The following INTS8 variants were observed in gnomAD, a reference collection of about 807,000 sequenced individuals.
The protein encoded by INTS8 is protein kaonashi-1.
A neutral mutation model predicts 138.9 loss-of-function variants in INTS8; 47 were observed. The observed-to-expected ratio is 0.34, with a 90% CI of 0.27 to 0.43. The LOEUF (loss-of-function observed/expected upper bound fraction) is 0.43, where lower values mean the gene tolerates loss of function less well. Ranked by LOEUF, INTS8 falls within the 20% of genes least tolerant of loss-of-function variation. The pLI is 1.00. For missense variants in INTS8, 996 were observed against 1,173.0 expected, an observed-to-expected ratio of 0.85 and a Z score of 2.20; for synonymous variants, 392 against 400.9, an observed-to-expected ratio of 0.98 and a Z score of 0.27.
intron 20 of INTS8, among the ~76,000 whole-genome samples, chr8:94,871,492 GATA>G (rs1816397991): frequency 1.3e-5 from 2 of 151,376 alleles, no homozygotes; most frequent in Admixed American, 6.6e-5. Flanking sequence ...AAAAAAAAAT[GATA>G]ATAATAATTT....
At chr8:94,838,716 CAA>C in intron 8 of INTS8, 98 bp downstream of exon 8, 1 of 880,428 alleles carries the variant, frequency 1.1e-6, no homozygotes, top group Non-Finnish European at 1.8e-6. Flanking sequence ...CGTTTTGGGG[CAA>C]GTCATTTACA....
At chr8:94,846,156 A>C (rs1300096262) in intron 10 of INTS8, among the ~76,000 whole-genome samples, 1 of 152,210 alleles carries the variant, frequency 6.6e-6, no homozygotes, top group African/African-American at 2.4e-5. Context: ...TTTTGTATCC[A>C]ACAACTTTGC....
chr8:94,881,597 T>G lies in INTS8; in HGVS notation c.*1363T>G, dbSNP rs1390040899. ...CAGTGATACCAGTTCTACCCAATCT[T>G]GGTGAATTCCAACTTGTTTGCTTAG... On this transcript the variant is annotated 3_prime_UTR_variant, in exon 27 of 27. Transcript: ENST00000523731. The G allele has an allele frequency of 6.2e-7, 1 of 1,608,272 alleles. No homozygotes were observed. The highest frequency in any genetic ancestry group is 8.5e-7 in the Non-Finnish European group (1 of 1,177,426).
chr8:94,827,167 C>A (rs917583330), intron 2 of INTS8, 96 bp from the exon 3 acceptor site: 19 of 1,070,072 alleles, frequency 1.8e-5, no homozygotes, highest in Admixed American at 3.9e-5. Flanking sequence ...GGTTCCTTAA[C>A]AATGTAGGTA....
intron 13 of INTS8, 87 bp downstream of exon 13, chr8:94,851,773 T>G: frequency 9.2e-7 from 1 of 1,084,130 alleles, no homozygotes; most frequent in Non-Finnish European, 1.3e-6. Flanking sequence ...ACCTTTTTGA[T>G]AATAAGGACC....
At chr8:94,879,057 C>A (rs1471722548) in intron 26 of INTS8, among the ~76,000 whole-genome samples, 1 of 152,176 alleles carries the variant, frequency 6.6e-6, no homozygotes, top group East Asian at 1.9e-4. Context: ...TTACTGCTCT[C>A]AAATATCTGG....
chr8:94,852,100 G>A (rs890092373), intron 13 of INTS8, among the ~76,000 whole-genome samples: 2 of 151,896 alleles, frequency 1.3e-5, no homozygotes, highest in Non-Finnish European at 2.9e-5. Context: ...CTGTCACCAT[G>A]CCCGGCTAAT....
intron 26 of INTS8, among the ~76,000 whole-genome samples, chr8:94,878,481 T>G (rs1283546793): frequency 6.6e-5 from 10 of 152,198 alleles, no homozygotes; most frequent in African/African-American, 2.4e-4. Context: ...TAAAATAATC[T>G]ACAGCTGTAC....
chr8:94,863,480 G>C (rs1254199288), intron 16 of INTS8, among the ~76,000 whole-genome samples: 1 of 152,160 alleles, frequency 6.6e-6, no homozygotes, highest in Admixed American at 6.5e-5. Flanking sequence ...CCTTTGTACT[G>C]TTGTACTGAT....
chr8:94,838,938 A>G (rs141006181), intron 8 of INTS8, among the ~76,000 whole-genome samples: 1 of 152,376 alleles, frequency 6.6e-6, no homozygotes, highest in African/African-American at 2.4e-5. Flanking sequence ...TTTAACATTT[A>G]AAAATTGCAG....
rs759111018 is a variant in INTS8, at chr8:94,823,581, C to T, written c.130+20C>T. The T allele has an allele frequency of 1.2e-5, 19 of 1,533,648 alleles. No homozygotes were observed. In the Middle Eastern group the frequency reaches 2.1e-3, roughly 170 times the overall value. On this transcript the variant is annotated intron_variant, in intron 1 of 26. Coordinates refer to ENST00000523731, the MANE Select transcript of INTS8 (RefSeq NM_017864.4). The stretch of plus-strand genomic sequence containing the variant: ...GCCCGGGTGAGCGCGGCGCCTGCAC[C>T]TGGGGAGCGGGACCCGGCCACCGGC...
intron 26 of INTS8, among the ~76,000 whole-genome samples, chr8:94,878,584 T>A (rs1816654478): frequency 6.6e-6 from 1 of 152,242 alleles, no homozygotes; most frequent in South Asian, 2.1e-4. Context: ...CTCAATAACC[T>A]TCTAATGAAT....
chr8:94,840,988 A>G (rs1395610534), intron 8 of INTS8, among the ~76,000 whole-genome samples: 1 of 151,186 alleles, frequency 6.6e-6, no homozygotes, highest in Admixed American at 6.6e-5. Context: ...TCTCAGCTCA[A>G]AGCAACCTCC....
chr8:94,837,696 CT>C (rs1814977052), intron 7 of INTS8, among the ~76,000 whole-genome samples: 3 of 151,982 alleles, frequency 2.0e-5, no homozygotes, highest in Admixed American at 2.0e-4. Context: ...AATTTTAACA[CT>C]GTTTGCTCTT....
At chr8:94,826,318 G>T (rs137997434) in intron 2 of INTS8, among the ~76,000 whole-genome samples, 53 of 149,678 alleles carry the variant, frequency 3.5e-4, no homozygotes, top group African/African-American at 1.3e-3. Flanking sequence ...GTCTCGCTCT[G>T]TCACCCAGGC....
At chr8:94,842,069 A>G (rs1327594090) in intron 9 of INTS8, among the ~76,000 whole-genome samples, 1 of 140,908 alleles carries the variant, frequency 7.1e-6, no homozygotes, top group Non-Finnish European at 1.6e-5. Flanking sequence ...ACTCCGTCTC[A>G]AAAGAAAAAA....
intron 5 of INTS8, 84 bp downstream of exon 5, chr8:94,829,110 G>A: frequency 9.8e-7 from 1 of 1,016,488 alleles, no homozygotes; most frequent in Non-Finnish European, 1.5e-6. Context: ...ACCAGGGACT[G>A]GTTTTGTGGA....
intron 15 of INTS8, among the ~76,000 whole-genome samples, chr8:94,857,547 G>A (rs1381068183): frequency 1.3e-5 from 2 of 152,166 alleles, no homozygotes; most frequent in Non-Finnish European, 2.9e-5. Context: ...TCCCAGTTCT[G>A]GAGGCCGGAT....
At position 94,823,305 on chromosome 8, in the gene INTS8, A is replaced by C; in HGVS notation, c.-127A>C. ...CCGCGCCGCCATTTTGGATTGTGTG[A>C]GTTTCCGGGACGTTCGGAGGGTGGC... On this transcript the variant is annotated 5_prime_UTR_variant, in exon 1 of 27. Coordinates refer to ENST00000523731, the MANE Select transcript of INTS8 (RefSeq NM_017864.4). 2 of 1,522,496 alleles carry C rather than the reference A, an allele frequency of 1.3e-6. No homozygotes were observed. Among genetic ancestry groups the C allele is most frequent in the Non-Finnish European group, 1.8e-6 (2 of 1,139,248 alleles). The allele number at this position is 1,522,496 out of a possible 1,614,324, so 94.3% of individuals were successfully genotyped here.
Sources: gnomAD v4.1 joint callset for allele counts (sites outside exome capture counted in the v4.1 genomes callset) on GRCh38, gnomAD v4.1.1 for gene constraint, MANE v1.5 for transcripts, NCBI Gene and HGNC (gene_info 2026-07-23, HGNC 2026-07-21) for gene names.